RFX7: variants seen among roughly 807,000 people sequenced by gnomAD.
RFX7 encodes the protein DNA-binding protein RFX7.
A neutral mutation model predicts 111.8 loss-of-function variants in RFX7; 26 were observed. That is an observed-to-expected ratio of 0.23 (90% CI 0.17 to 0.32). The LOEUF (loss-of-function observed/expected upper bound fraction) is 0.32, where lower values mean the gene tolerates loss of function less well. RFX7 is among the 10% of genes least tolerant of loss of function. The pLI, the probability that RFX7 is intolerant of heterozygous loss-of-function variation, is 1.00. For synonymous variants in RFX7, 624 were observed against 624.4 expected (o/e 1.00, Z 0.01); for missense variants, 1,573 against 1,772.9 (o/e 0.89, Z 2.02).
chr15:56,114,985 G>A (rs1482394899), intron 5 of RFX7, among the ~76,000 whole-genome samples: 1 of 152,034 alleles, frequency 6.6e-6, no homozygotes, highest in Non-Finnish European at 1.5e-5. Flanking sequence ...CTATGAAGAA[G>A]CCATTTAAAA....
At chr15:56,099,285 C>T (rs773852902) in intron 8 of RFX7, among the ~76,000 whole-genome samples, 13 of 152,106 alleles carry the variant, frequency 8.5e-5, no homozygotes, top group Non-Finnish European at 1.5e-4. Context: ...TTTCATCATT[C>T]TAGTTAACAA....
chr15:56,138,597 A>T (rs1273724337), intron 5 of RFX7, among the ~76,000 whole-genome samples: 2 of 151,704 alleles, frequency 1.3e-5, no homozygotes, highest in Non-Finnish European at 2.9e-5. Flanking sequence ...TTTTAATTGG[A>T]GCATTTAGCC....
intron 3 of RFX7, among the ~76,000 whole-genome samples, chr15:56,166,803 G>T (rs2042788008): frequency 6.6e-6 from 1 of 152,056 alleles, no homozygotes; most frequent in Non-Finnish European, 1.5e-5. Context: ...CACCCAGACT[G>T]TACTGTGGCG....
intron 2 of RFX7, among the ~76,000 whole-genome samples, 181 bp downstream of exon 2, chr15:56,242,944 C>A (rs1445634844): frequency 2.6e-5 from 4 of 152,174 alleles, no homozygotes; most frequent in Non-Finnish European, 5.9e-5. Flanking sequence ...AAGACAGGGG[C>A]TGATTGATGC....
intron 2 of RFX7, among the ~76,000 whole-genome samples, chr15:56,236,137 TAGAG>T (rs1295485344): frequency 1.3e-5 from 2 of 152,206 alleles, no homozygotes; most frequent in Non-Finnish European, 2.9e-5. Context: ...AGATGCCTGA[TAGAG>T]AGGTTGTACA....
At position 56,087,285 on chromosome 15, in the gene RFX7, G is replaced by A. The variant is rs941838839; in HGVS notation, c.*6060C>T. On this transcript the variant is annotated 3_prime_UTR_variant, in exon 10 of 10. Coordinates refer to ENST00000559447, the MANE Select transcript of RFX7 (RefSeq NM_022841.7). Reference sequence around the variant, plus strand: ...AAAATAAGACTCAAAATAAATGTGAGTTAAACCAGAAAGACATTTATTTCT... The same window carrying A: ...AAAATAAGACTCAAAATAAATGTGAATTAAACCAGAAAGACATTTATTTCT... The A allele has an allele frequency of 2.8e-6, 1 of 360,102 alleles. No individual in the cohort carries two copies. Among genetic ancestry groups the A allele is most frequent in the Non-Finnish European group, 5.5e-6 (1 of 181,244 alleles). The allele number at this position is 360,102 out of a possible 1,614,324, so 22.3% of individuals were successfully genotyped here.
intron 2 of RFX7, among the ~76,000 whole-genome samples, chr15:56,194,981 C>G (rs1211096212): frequency 6.6e-6 from 1 of 152,022 alleles, no homozygotes; most frequent in African/African-American, 2.4e-5. Context: ...GCACTGTTCA[C>G]AAGAGTCAAA....
intron 5 of RFX7, among the ~76,000 whole-genome samples, chr15:56,123,646 C>T (rs1226824545): frequency 6.6e-6 from 1 of 152,204 alleles, no homozygotes; most frequent in Non-Finnish European, 1.5e-5. Flanking sequence ...GTTGCCTATA[C>T]ATTGCAGTCC....
Position 56,087,618 on chromosome 15 carries a change from G to A in RFX7, c.*5727C>T. ...GGCAGATGCAGCCTTTTGGTCAGAT[G>A]GCTGTGTGCTCAGCTAAAAATCAAG... On this transcript the variant is annotated 3_prime_UTR_variant, in exon 10 of 10. Transcript: ENST00000559447. 2.2e-6 allele frequency: 1 copy of A among 453,208 alleles called. No individual in the cohort carries two copies. The highest frequency in any genetic ancestry group is 7.0e-5 in the East Asian group (1 of 14,352). The allele number at this position is 453,208 out of a possible 1,614,324, so 28.1% of individuals were successfully genotyped here.
intron 3 of RFX7, among the ~76,000 whole-genome samples, chr15:56,152,492 T>A (rs2042585149): frequency 1.3e-5 from 2 of 152,156 alleles, no homozygotes; most frequent in African/African-American, 4.8e-5. Context: ...ATAAAGATGT[T>A]CTTTGAAACC....
chr15:56,234,261 A>T (rs2043598919), intron 2 of RFX7, among the ~76,000 whole-genome samples: 1 of 152,246 alleles, frequency 6.6e-6, no homozygotes, highest in African/African-American at 2.4e-5. Context: ...TGAATGTTTT[A>T]AAGTGGTAAG....
At chr15:56,101,878 A>C (rs994480998) in intron 7 of RFX7, among the ~76,000 whole-genome samples, 6 of 152,210 alleles carry the variant, frequency 3.9e-5, no homozygotes, top group African/African-American at 1.2e-4. Flanking sequence ...AAATTCCTAT[A>C]AAACATATTA....
Position 56,093,680 on chromosome 15 carries a change from C to G in RFX7, c.4048G>C (p.Val1350Leu), listed in dbSNP as rs1455239609. 6.2e-7 allele frequency: 1 copy of G among 1,613,910 alleles called. No homozygotes were observed. Among genetic ancestry groups the G allele is most frequent in the Non-Finnish European group, 8.5e-7 (1 of 1,179,842 alleles). Residue 1350 changes from valine to leucine, a missense_variant, in exon 10 of 10, where the codon GTT becomes CTT. By Grantham distance (32) the Val-to-Leu change is conservative. Coordinates refer to ENST00000559447, the MANE Select transcript of RFX7 (RefSeq NM_022841.7). ...GEQQLDFNST[V>L]KDLLSGDSLQ... ...CTGTCTCCACTCAACAGGTCTTTAA[C>G]AGTGCTATTGAAATCTAATTGTTGC...
chr15:56,131,808 A>ATGTCT (rs1339654987), intron 5 of RFX7, among the ~76,000 whole-genome samples: 2 of 152,204 alleles, frequency 1.3e-5, no homozygotes, highest in Non-Finnish European at 2.9e-5. Flanking sequence ...TGTAATAACA[A>ATGTCT]AGTAAAGACA....
intron 5 of RFX7, among the ~76,000 whole-genome samples, chr15:56,133,947 A>G (rs1201120889): frequency 6.6e-6 from 1 of 152,160 alleles, no homozygotes; most frequent in Non-Finnish European, 1.5e-5. Flanking sequence ...TAACCATATT[A>G]TTTGTATGCA....
chr15:56,173,027 C>G (rs2042862513), intron 3 of RFX7, among the ~76,000 whole-genome samples: 1 of 152,168 alleles, frequency 6.6e-6, no homozygotes, highest in Admixed American at 6.5e-5. Flanking sequence ...ACGATTCTAT[C>G]TGAAGACAAC....
chr15:56,163,493 A>G (rs546437788), intron 3 of RFX7, among the ~76,000 whole-genome samples: 2 of 152,328 alleles, frequency 1.3e-5, no homozygotes, highest in African/African-American at 4.8e-5. Flanking sequence ...TCTAGCATCA[A>G]GTGCCTACTA....
In RFX7 at chr15:56,092,807, T is replaced by C. The variant is rs1409639887; in HGVS notation, c.*538A>G. The C allele has an allele frequency of 6.6e-6, 1 of 152,660 alleles. No individual in the cohort carries two copies. The highest frequency in any genetic ancestry group is 6.5e-5 in the Admixed American group (1 of 15,272). 9.5% of individuals were successfully genotyped at this position (152,660 alleles called of 1,614,324 possible). A position where few individuals can be genotyped will look rare whatever the true frequency, so the allele number is the denominator to read the frequency against. Reference sequence around the variant, plus strand: ...AGCCCTTCATCGTGGGTGTAAATGGTACTGAAGCCCCAGAAAGTCCTACAG... The same window carrying C: ...AGCCCTTCATCGTGGGTGTAAATGGCACTGAAGCCCCAGAAAGTCCTACAG... On this transcript the variant is annotated 3_prime_UTR_variant, in exon 10 of 10. Transcript: ENST00000559447.
intron 3 of RFX7, among the ~76,000 whole-genome samples, chr15:56,150,189 A>T (rs1467527016): frequency 1.3e-5 from 2 of 152,160 alleles, no homozygotes; most frequent in Non-Finnish European, 2.9e-5. Context: ...CCCTCTCTGG[A>T]CAGGGCATCT....
Sources: gnomAD v4.1 joint callset for allele counts (sites outside exome capture counted in the v4.1 genomes callset) on GRCh38, gnomAD v4.1.1 for gene constraint, MANE v1.5 for transcripts, NCBI Gene and HGNC (gene_info 2026-07-23, HGNC 2026-07-21) for gene names.